PCDH7: variants seen among roughly 807,000 people sequenced by gnomAD.
PCDH7 encodes the protein protocadherin-7.
A neutral mutation model predicts 58.9 loss-of-function variants in PCDH7; 17 were observed. The observed-to-expected ratio is 0.29, with a 90% CI of 0.20 to 0.43. The LOEUF is 0.43. PCDH7 is among the 20% of genes least tolerant of loss of function. The pLI is 1.00. For missense variants in PCDH7, 1,274 were observed against 1,441.0 expected (o/e 0.88, Z 1.88); for synonymous variants, 664 against 616.4 (o/e 1.08, Z -1.14).
intron 1 of PCDH7, among the ~76,000 whole-genome samples, chr4:30,891,064 C>T (rs1738543462): frequency 6.6e-6 from 1 of 152,048 alleles, no homozygotes; most frequent in African/African-American, 2.4e-5. Context: ...CATTCTCTAT[C>T]TGAATTTTTA....
At chr4:30,782,188 T>C (rs1195195952) in intron 1 of PCDH7, among the ~76,000 whole-genome samples, 2 of 152,326 alleles carry the variant, frequency 1.3e-5, no homozygotes, top group East Asian at 1.9e-4. Flanking sequence ...TTTATATTAG[T>C]TTAGGAAACT....
chr4:31,128,229 G>A (rs1013215786), intron 3 of PCDH7, among the ~76,000 whole-genome samples: 1 of 151,912 alleles, frequency 6.6e-6, no homozygotes, highest in Admixed American at 6.6e-5. Context: ...TGTAAAGCTG[G>A]TTAGAGCTCC....
At chr4:31,085,034 T>C (rs947172181) in intron 3 of PCDH7, among the ~76,000 whole-genome samples, 9 of 151,970 alleles carry the variant, frequency 5.9e-5, no homozygotes, top group Admixed American at 2.6e-4. Flanking sequence ...GAGAGAGTAA[T>C]TCACGCAGAG....
At chr4:31,093,983 A>T (rs1314136151) in intron 3 of PCDH7, among the ~76,000 whole-genome samples, 1 of 152,110 alleles carries the variant, frequency 6.6e-6, no homozygotes, top group Non-Finnish European at 1.5e-5. Context: ...TTTATGGTGG[A>T]CATGTTTTTG....
intron 1 of PCDH7, among the ~76,000 whole-genome samples, chr4:30,746,844 CCTTT>C (rs1385753825): frequency 1.3e-5 from 2 of 152,030 alleles, no homozygotes; most frequent in African/African-American, 4.8e-5. Context: ...TTATTCCTCT[CCTTT>C]CTTTCTGTTT....
intron 3 of PCDH7, among the ~76,000 whole-genome samples, chr4:31,072,621 C>T (rs964464071): frequency 6.6e-6 from 1 of 151,990 alleles, no homozygotes; most frequent in Non-Finnish European, 1.5e-5. Flanking sequence ...GAGTGAGGAA[C>T]ACCATGTATG....
At chr4:30,728,616 A>T (rs569336874) in intron 1 of PCDH7, among the ~76,000 whole-genome samples, 1 of 151,890 alleles carries the variant, frequency 6.6e-6, no homozygotes, top group African/African-American at 2.4e-5. Flanking sequence ...TCATCCATTG[A>T]TTTGATCCGC....
At chr4:30,875,849 G>A (rs924355893) in intron 1 of PCDH7, among the ~76,000 whole-genome samples, 5 of 152,082 alleles carry the variant, frequency 3.3e-5, no homozygotes, top group African/African-American at 1.2e-4. Context: ...AAGAAGTCCT[G>A]ATGTTGGCTC....
chr4:31,130,192 C>T (rs1233547003), intron 3 of PCDH7, among the ~76,000 whole-genome samples: 3 of 151,978 alleles, frequency 2.0e-5, no homozygotes, highest in African/African-American at 7.3e-5. Context: ...GATTATAGTG[C>T]CAGAGGCAGC....
intron 1 of PCDH7, among the ~76,000 whole-genome samples, chr4:30,743,307 G>A (rs951418587): frequency 5.3e-5 from 8 of 152,046 alleles, no homozygotes; most frequent in African/African-American, 9.7e-5. Context: ...ATCACTCTGC[G>A]CAAAAGCTGA....
chr4:31,064,756 T>A (rs575205438), intron 3 of PCDH7, among the ~76,000 whole-genome samples: 122 of 152,018 alleles, frequency 8.0e-4, no homozygotes, highest in African/African-American at 2.8e-3. Context: ...TTTAGCTAAT[T>A]ACCTCAGCAA....
chr4:31,010,569 T>C (rs1198228678), intron 3 of PCDH7, among the ~76,000 whole-genome samples: 1 of 151,996 alleles, frequency 6.6e-6, no homozygotes. Context: ...CAAAATTACC[T>C]TTGTAGTACT....
chr4:31,056,505 G>GAAATAAAT, intron 3 of PCDH7, among the ~76,000 whole-genome samples: 1 of 115,120 alleles, frequency 8.7e-6, no homozygotes. Context: ...AAGAAAGAAA[G>GAAATAAAT]AAAGAAAGAA....
At chr4:31,033,375 T>C (rs528478953) in intron 3 of PCDH7, among the ~76,000 whole-genome samples, 1 of 152,328 alleles carries the variant, frequency 6.6e-6, no homozygotes, top group South Asian at 2.1e-4. Context: ...TTAGAGAATC[T>C]TTATTCAGAT....
chr4:30,761,272 T>C (rs931363001), intron 1 of PCDH7, among the ~76,000 whole-genome samples: 1 of 152,166 alleles, frequency 6.6e-6, no homozygotes, highest in Non-Finnish European at 1.5e-5. Context: ...CTTATCTCAG[T>C]CATGGGCCAG....
intron 1 of PCDH7, chr4:30,869,005 A>G (rs1371362150): frequency 6.6e-6 from 1 of 152,112 alleles, no homozygotes; most frequent in Non-Finnish European, 1.5e-5. Flanking sequence ...AATGTTATCA[A>G]GCATTCTTTT....
intron 1 of PCDH7, among the ~76,000 whole-genome samples, chr4:30,779,525 A>G (rs1043501715): frequency 1.7e-4 from 26 of 152,222 alleles, no homozygotes; most frequent in Admixed American, 7.8e-4. Flanking sequence ...ACCACAAATC[A>G]TATTAAAAGA....
intron 3 of PCDH7, among the ~76,000 whole-genome samples, chr4:31,035,347 G>A (rs927123015): frequency 6.8e-5 from 10 of 146,776 alleles, no homozygotes; most frequent in South Asian, 4.3e-4. Flanking sequence ...TCTGCTTACC[G>A]GGTTCAAGCG....
chr4:31,037,805 T>C (rs186441716), intron 3 of PCDH7, among the ~76,000 whole-genome samples: 1 of 152,204 alleles, frequency 6.6e-6, no homozygotes, highest in Admixed American at 6.5e-5. Context: ...TGGTGTGGAC[T>C]TTGCTTTAAA....
Sources: allele counts gnomAD v4.1 joint callset (sites outside exome capture counted in the v4.1 genomes callset), GRCh38; gene constraint gnomAD v4.1.1; transcripts MANE v1.5; gene names NCBI Gene and HGNC (gene_info 2026-07-23, HGNC 2026-07-21).